The following CACNB2 variants were observed in gnomAD, a reference collection of about 807,000 sequenced individuals.
CACNB2 encodes the protein voltage-dependent L-type calcium channel subunit beta-2.
A neutral mutation model predicts 73.3 loss-of-function variants in CACNB2; 42 were observed. The observed-to-expected ratio is 0.57, with a 90% CI of 0.45 to 0.74. CACNB2 has a LOEUF of 0.74. Among genes scored for constraint, CACNB2 ranks in the 30% least tolerant of loss-of-function variants. The pLI is 0.00. For missense variants in CACNB2, 940 were observed against 853.0 expected (o/e 1.10, Z -1.27); for synonymous variants, 348 against 310.3 (o/e 1.12, Z -1.28).
intron 2 of CACNB2, among the ~76,000 whole-genome samples, chr10:18,201,403 T>C (rs1197115489): frequency 6.6e-6 from 1 of 151,976 alleles, no homozygotes; most frequent in African/African-American, 2.4e-5. Context: ...GCCTCCCAAG[T>C]AGCTGGGATT....
intron 2 of CACNB2, among the ~76,000 whole-genome samples, chr10:18,244,724 T>C (rs6482241): frequency 0.046 from 7,051 of 152,278 alleles, 539 homozygotes; most frequent in African/African-American, 0.16. Flanking sequence ...GGCTGAGTAA[T>C]CGCCCCCCAA....
intron 7 of CACNB2, 142 bp from the exon 8 acceptor site, chr10:18,518,194 T>C (rs1182096803): frequency 2.8e-6 from 2 of 722,090 alleles, no homozygotes; most frequent in Non-Finnish European, 5.1e-6. Flanking sequence ...TGGGTTTATG[T>C]AGAAAAGAGG....
intron 2 of CACNB2, among the ~76,000 whole-genome samples, chr10:18,354,553 GAAGGCTGA>G (rs1486836929): frequency 2.0e-5 from 3 of 152,238 alleles, no homozygotes; most frequent in African/African-American, 7.2e-5. Flanking sequence ...CACAGAAGAT[GAAGGCTGA>G]AAGGAAAGCT....
chr10:18,388,603 C>T (rs2043333884), intron 2 of CACNB2, among the ~76,000 whole-genome samples: 1 of 152,238 alleles, frequency 6.6e-6, no homozygotes, highest in Non-Finnish European at 1.5e-5. Context: ...GAAGGTTAGA[C>T]TTTTAGAACA....
Position 18,481,542 on chromosome 10 carries a change from C to T in CACNB2, c.334-16813C>T, listed in dbSNP as rs530272159. 1.5e-3 allele frequency among the ~76,000 whole-genome samples: 223 copies of T among 151,814 alleles called. 1 individual carries two copies. The highest frequency in any genetic ancestry group is 6.8e-3 in the Middle Eastern group (2 of 294). On this transcript the variant is annotated intron_variant, in intron 3 of 13. Coordinates refer to ENST00000324631, the MANE Select transcript of CACNB2 (RefSeq NM_201596.3). Reference sequence around the variant, plus strand: ...GATTACAGACGTGAGCCACCGTACCCGGCCCATCATTCCTTTAACAGAGTG... The same window carrying T: ...GATTACAGACGTGAGCCACCGTACCTGGCCCATCATTCCTTTAACAGAGTG...
At chr10:18,448,962 G>C (rs919783888) in intron 3 of CACNB2, among the ~76,000 whole-genome samples, 1 of 152,228 alleles carries the variant, frequency 6.6e-6, no homozygotes. Flanking sequence ...ATGATACTGT[G>C]AGCCCAGTGC....
intron 3 of CACNB2, among the ~76,000 whole-genome samples, chr10:18,477,365 A>G (rs906345599): frequency 1.3e-5 from 2 of 152,192 alleles, no homozygotes; most frequent in African/African-American, 4.8e-5. Flanking sequence ...ATGAATAAGA[A>G]TGCCTAAACT....
intron 2 of CACNB2, among the ~76,000 whole-genome samples, chr10:18,401,433 G>A (rs2043989876): frequency 6.6e-6 from 1 of 152,118 alleles, no homozygotes; most frequent in Admixed American, 6.6e-5. Context: ...TGTATAAAAA[G>A]GTAAACAAGG....
chr10:18,383,874 T>G (rs1022572305), intron 2 of CACNB2, among the ~76,000 whole-genome samples: 1 of 151,652 alleles, frequency 6.6e-6, no homozygotes. Flanking sequence ...CCCGGCTAAT[T>G]TTTGTATTTT....
chr10:18,348,744 C>G (rs1274017873), intron 2 of CACNB2, among the ~76,000 whole-genome samples: 1 of 152,154 alleles, frequency 6.6e-6, no homozygotes, highest in Non-Finnish European at 1.5e-5. Flanking sequence ...CTCAGGTGAT[C>G]CACCCGCCTT....
intron 2 of CACNB2, among the ~76,000 whole-genome samples, chr10:18,341,595 C>G (rs1250388840): frequency 1.3e-5 from 2 of 151,412 alleles, no homozygotes; most frequent in Non-Finnish European, 2.9e-5. Flanking sequence ...TGAAAACATG[C>G]ACAAAAAAAA....
chr10:18,276,018 T>G (rs887280030), intron 2 of CACNB2, among the ~76,000 whole-genome samples: 5 of 152,224 alleles, frequency 3.3e-5, no homozygotes, highest in Non-Finnish European at 7.3e-5. Context: ...TTGTCTATCT[T>G]TCATACATTT....
intron 3 of CACNB2, among the ~76,000 whole-genome samples, chr10:18,402,806 C>G (rs1403793154): frequency 6.6e-6 from 1 of 152,176 alleles, no homozygotes; most frequent in Non-Finnish European, 1.5e-5. Flanking sequence ...AGTCACTTCT[C>G]AATGAACCTA....
chr10:18,151,048 C>G, intron 2 of CACNB2, 73 bp downstream of exon 2: 2 of 951,466 alleles, frequency 2.1e-6, no homozygotes, highest in Non-Finnish European at 3.5e-6. Context: ...GGGTTTCACT[C>G]TTTTCCTTAA....
intron 2 of CACNB2, among the ~76,000 whole-genome samples, chr10:18,315,518 A>AAAAC (rs2040141716): frequency 7.7e-6 from 1 of 129,304 alleles, no homozygotes; most frequent in South Asian, 2.4e-4. Context: ...AAAAAAAAAA[A>AAAAC]AAAAAAAAAA....
intron 9 of CACNB2, chr10:18,519,744 C>A (rs1413747313): frequency 4.4e-6 from 2 of 455,922 alleles, no homozygotes; most frequent in Admixed American, 4.7e-5. Context: ...ATTGAGTGTA[C>A]TGGCTTTCCT....
rs950941484 is a variant in CACNB2, at chr10:18,534,002, T to C, written c.1055-74T>C. 4.1e-6 allele frequency: 6 copies of C among 1,453,690 alleles called. No individual in the cohort carries two copies. The African/African-American group carries it at 5.6e-5, about 14-fold the overall frequency. The allele number at this position is 1,453,690 out of a possible 1,614,324, so 90.0% of individuals were successfully genotyped here. ...AATGGCTGACCTACTCACCTTTCTG[T>C]TGAAGAAACAGTATACCATTTTACT... On this transcript the variant is annotated intron_variant, in intron 10 of 13. Transcript: ENST00000324631.
intron 2 of CACNB2, among the ~76,000 whole-genome samples, chr10:18,280,908 A>G (rs1301074247): frequency 6.6e-6 from 1 of 152,156 alleles, no homozygotes; most frequent in Admixed American, 6.6e-5. Flanking sequence ...ACTATACTAC[A>G]TGCTTTGCAC....
chr10:18,401,672 C>T (rs2044004852), intron 2 of CACNB2, among the ~76,000 whole-genome samples: 1 of 152,176 alleles, frequency 6.6e-6, no homozygotes, highest in Non-Finnish European at 1.5e-5. Flanking sequence ...CTTGTTCTGG[C>T]TTCCAGGAAG....
Sources: allele counts gnomAD v4.1 joint callset (sites outside exome capture counted in the v4.1 genomes callset), GRCh38; gene constraint gnomAD v4.1.1; transcripts MANE v1.5; gene names NCBI Gene and HGNC (gene_info 2026-07-23, HGNC 2026-07-21).